Variants in KCNK17 observed in about 807,000 individuals in gnomAD.
The protein encoded by KCNK17 is potassium two pore domain channel subfamily K member 17.
A neutral mutation model predicts 24.6 loss-of-function variants in KCNK17; 27 were observed. The observed-to-expected ratio is 1.10, with a 90% CI of 0.81 to 1.51. The LOEUF is 1.51. Among genes scored for constraint, KCNK17 ranks in the 40% most tolerant of loss-of-function variants. The pLI is 0.00. For missense variants in KCNK17, 450 were observed against 436.6 expected (o/e 1.03, Z -0.27); for synonymous variants, 181 against 189.8 (o/e 0.95, Z 0.38).
At chr6:39,306,826 G>A (rs973381961) in intron 2 of KCNK17, among the ~76,000 whole-genome samples, 5 of 149,906 alleles carry the variant, frequency 3.3e-5, no homozygotes, top group Non-Finnish European at 5.9e-5. Flanking sequence ...GTGCAGTGGC[G>A]CGATCTCGGC....
At chr6:39,304,429 C>T (rs184619998) in intron 3 of KCNK17, 66 bp downstream of exon 3, 7 of 1,416,144 alleles carry the variant, frequency 4.9e-6, no homozygotes, top group African/African-American at 2.8e-5. Context: ...TTAGTAACCC[C>T]AATTCCCACC....
chr6:39,310,225 C>G (rs1288857773), intron 2 of KCNK17, among the ~76,000 whole-genome samples: 2 of 152,142 alleles, frequency 1.3e-5, no homozygotes, highest in African/African-American at 4.8e-5. Context: ...CTAGCCTGCT[C>G]TTCTTTGCAC....
chr6:39,300,599 C>G (rs1354776469), intron 4 of KCNK17: 2 of 1,421,218 alleles, frequency 1.4e-6, no homozygotes, highest in Non-Finnish European at 1.9e-6. Context: ...AGCCACCTGT[C>G]TGAACCTCCT....
Position 39,309,143 on chromosome 6 carries a change from T to C in KCNK17, c.352+1750A>G, listed in dbSNP as rs189849898. Among the ~76,000 whole-genome samples, 613 of 152,282 alleles carry C rather than the reference T, an allele frequency of 4.0e-3. 4 individuals carry two copies. Among genetic ancestry groups the C allele is most frequent in the African/African-American group, 0.014 (589 of 41,556 alleles). ...GAGTTTGAGGCCAGCCTGGCCAACA[T>C]GGTAAAACCTGTCTCTACTGAAATA... On this transcript the variant is annotated intron_variant, in intron 2 of 4. Coordinates refer to ENST00000373231, the MANE Select transcript of KCNK17 (RefSeq NM_031460.4).
In KCNK17 at chr6:39,301,904, G is replaced by A. The variant is rs1357207476; in HGVS notation, c.688+2053C>T. Among the ~76,000 whole-genome samples, 6 of 152,216 alleles carry A rather than the reference G, an allele frequency of 3.9e-5. No individual in the cohort carries two copies. The South Asian group carries it at 1.2e-3, about 31-fold the overall frequency. ...AAAGGGGTTGTCCCTGTTACTGGAG[G>A]ACAAGGAGACCTGAGAGGTTTGAGG... is the stretch of plus-strand genomic sequence containing the variant. On this transcript the variant is annotated intron_variant, in intron 4 of 4. Transcript: ENST00000373231.
chr6:39,299,871 T>C (rs951001060), intron 4 of KCNK17, 134 bp from the exon 5 acceptor site: 37 of 895,910 alleles, frequency 4.1e-5, no homozygotes, highest in Non-Finnish European at 6.3e-5. Flanking sequence ...TGGAGACTCC[T>C]AGCCTCATGG....
chr6:39,303,592 T>C (rs534517662), intron 4 of KCNK17, among the ~76,000 whole-genome samples: 1 of 152,200 alleles, frequency 6.6e-6, no homozygotes, highest in Non-Finnish European at 1.5e-5. Context: ...CCCCGGGTAC[T>C]GTGATCTCCA....
At chr6:39,307,806 T>C (rs1271137190) in intron 2 of KCNK17, among the ~76,000 whole-genome samples, 1 of 152,176 alleles carries the variant, frequency 6.6e-6, no homozygotes, top group East Asian at 1.9e-4. Context: ...TACAAGTCTA[T>C]CTGTGATTGG....
Position 39,299,664 on chromosome 6 carries a change from T to C in KCNK17, c.762A>G (p.Ala254=), listed in dbSNP as rs150154437. 1.2e-5 allele frequency: 19 copies of C among 1,613,998 alleles called. 1 individual carries two copies. Among genetic ancestry groups the C allele is most frequent in the Non-Finnish European group, 1.4e-5 (17 of 1,180,032 alleles). ...MVSLWILFGM[A]WLALIIKLIL... is the part of the protein sequence containing the mutation. ...TGAGTTTGATGATCAAGGCCAGCCATGCCATCCCAAAGAGGATCCACAGGG... is the reference window on the plus strand; with the variant it reads ...TGAGTTTGATGATCAAGGCCAGCCACGCCATCCCAAAGAGGATCCACAGGG... The change falls in exon 5 of 5, where the codon GCA becomes GCG. Residue 254 remains alanine, a synonymous_variant. Coordinates refer to ENST00000373231, the MANE Select transcript of KCNK17 (RefSeq NM_031460.4).
chr6:39,306,644 CAAACTATG>C (rs1762040597), intron 2 of KCNK17, among the ~76,000 whole-genome samples: 4 of 152,096 alleles, frequency 2.6e-5, no homozygotes, highest in Non-Finnish European at 5.9e-5. Flanking sequence ...CAAGAGAGGT[CAAACTATG>C]TACAAGTACA....
At position 39,310,999 on chromosome 6, in the gene KCNK17, G is replaced by C; in HGVS notation, c.246C>G (p.Val82=). Residue 82 remains valine (V), a synonymous_variant, in exon 2 of 5, where the codon GTC becomes GTG. Coordinates refer to ENST00000373231, the MANE Select transcript of KCNK17 (RefSeq NM_031460.4). ...GGCTGGCTCCGTTTTTGTATGCTTGGACGACATCCTGGGGAAGAGGCTGCA... is the reference window on the plus strand; with the variant it reads ...GGCTGGCTCCGTTTTTGTATGCTTGCACGACATCCTGGGGAAGAGGCTGCA... ...PALDSLIRDV[V]QAYKNGASLL... 1 of 1,600,538 alleles carries C rather than the reference G, an allele frequency of 6.2e-7. No homozygotes were observed. The highest frequency in any genetic ancestry group is 2.2e-5 in the East Asian group (1 of 44,474).
intron 2 of KCNK17, among the ~76,000 whole-genome samples, chr6:39,305,960 T>C (rs1358544445): frequency 6.6e-6 from 1 of 152,126 alleles, no homozygotes; most frequent in East Asian, 1.9e-4. Context: ...TCCCTTGCAC[T>C]GTGTGAGAAA....
chr6:39,300,224 G>A lies in KCNK17; in HGVS notation c.689-487C>T. ...TGCAACCTCCGCCTCCTGGGTTCAA[G>A]CGATTCTCCTGCCTCAGCCTCCCGA... On this transcript the variant is annotated intron_variant, in intron 4 of 4. Transcript: ENST00000373231. 1.6e-5 allele frequency: 8 copies of A among 511,582 alleles called. No individual in the cohort carries two copies. In the South Asian group the frequency reaches 1.7e-4, roughly 11 times the overall value. The allele number at this position is 511,582 out of a possible 1,614,324, so 31.7% of individuals were successfully genotyped here.
intron 2 of KCNK17, among the ~76,000 whole-genome samples, chr6:39,308,773 G>A (rs2758913): frequency 0.023 from 3,568 of 152,268 alleles, 154 homozygotes; most frequent in African/African-American, 0.082. Flanking sequence ...TGGGTTTGCC[G>A]AAGAGGCTGC....
At chr6:39,304,741 C>G (rs577813748) in intron 2 of KCNK17, 86 bp from the exon 3 acceptor site, 4 of 1,439,298 alleles carry the variant, frequency 2.8e-6, no homozygotes, top group Non-Finnish European at 2.9e-6. Flanking sequence ...GCCCAACCCC[C>G]AGGGCCCTCA....
chr6:39,304,050 G>T lies in KCNK17; in HGVS notation c.595C>A (p.Leu199Ile), dbSNP rs1173022435. Residue 199 changes from leucine (L) to isoleucine (I), a missense_variant, in exon 4 of 5, where the codon CTC (leucine) becomes ATC (isoleucine). By Grantham distance (5) the Leu-to-Ile change is conservative. Coordinates refer to ENST00000373231, the MANE Select transcript of KCNK17 (RefSeq NM_031460.4). The part of the protein sequence containing the change: ...LLLFLLLPPL[L>I]FSHMEGWSYT... ...CTCCAGCCCTCCATGTGGGAGAAGAGCAGCGGTGGCAGCAGCAGGAAGAGC... is the reference window on the plus strand; with the variant it reads ...CTCCAGCCCTCCATGTGGGAGAAGATCAGCGGTGGCAGCAGCAGGAAGAGC... The T allele has an allele frequency of 6.2e-7, 1 of 1,613,676 alleles. No individual in the cohort carries two copies. The highest frequency in any genetic ancestry group is 8.5e-7 in the Non-Finnish European group (1 of 1,179,988).
At chr6:39,303,508 G>A (rs1761978427) in intron 4 of KCNK17, among the ~76,000 whole-genome samples, 1 of 152,228 alleles carries the variant, frequency 6.6e-6, no homozygotes, top group South Asian at 2.1e-4. Flanking sequence ...CTCAGAATCT[G>A]CCTGCCAACT....
At chr6:39,304,739 C>G in intron 2 of KCNK17, 84 bp from the exon 3 acceptor site, 1 of 1,451,844 alleles carries the variant, frequency 6.9e-7, no homozygotes. Context: ...GGGCCCAACC[C>G]CCAGGGCCCT....
chr6:39,314,287 C>A lies in KCNK17; in HGVS notation c.34G>T (p.Gly12Cys). ...YRPRARAAPE[G>C]RVRGCAVPST... Reference sequence around the variant, plus strand: ...GGCACCGCGCAGCCCCGGACCCTGCCCTCGGGAGCCGCCCGGGCTCGCGGT... The same window carrying A: ...GGCACCGCGCAGCCCCGGACCCTGCACTCGGGAGCCGCCCGGGCTCGCGGT... The change falls in exon 1 of 5, where the codon GGC becomes TGC. Residue 12 changes from glycine (G) to cysteine (C), a missense_variant. Gly to Cys is a radical substitution (Grantham distance 159). Transcript: ENST00000373231. 12 of 1,473,632 alleles carry A rather than the reference C, an allele frequency of 8.1e-6. No homozygotes were observed. Among genetic ancestry groups the A allele is most frequent in the Non-Finnish European group, 9.0e-6 (10 of 1,116,118 alleles). The allele number at this position is 1,473,632 out of a possible 1,614,324, so 91.3% of individuals were successfully genotyped here. A position where few individuals can be genotyped will look rare whatever the true frequency, so the allele number is the denominator to read the frequency against.
Sources: allele counts gnomAD v4.1 joint callset (sites outside exome capture counted in the v4.1 genomes callset), GRCh38; gene constraint gnomAD v4.1.1; transcripts MANE v1.5; gene names NCBI Gene and HGNC (gene_info 2026-07-23, HGNC 2026-07-21).